Variants in TEX11 observed in about 807,000 individuals in gnomAD.
The protein encoded by TEX11 is testis expressed 11.
TEX11 carries 7 observed loss-of-function variants against 84.4 expected under a neutral mutation model. The ratio of observed to expected loss-of-function variants is 0.08; its 90% CI spans 0.05 to 0.16. The LOEUF is 0.16. TEX11 is among the 10% of genes least tolerant of loss of function. TEX11 has a pLI of 1.00. For synonymous variants in TEX11, 264 were observed against 222.8 expected, an observed-to-expected ratio of 1.18 and a Z score of -1.64; for missense variants, 551 against 660.5, an observed-to-expected ratio of 0.83 and a Z score of 1.82.
intron 7 of TEX11, among the ~76,000 whole-genome samples, chrX:70,842,161 T>G (rs1397694831): frequency 4.2e-4 from 47 of 110,938 alleles, no homozygotes; most frequent in East Asian, 2.5e-3. Flanking sequence ...TACCAAAGCC[T>G]GGCAGAGACA....
At chrX:70,655,538 A>T (rs1436195595) in intron 16 of TEX11, among the ~76,000 whole-genome samples, 1 of 111,936 alleles carries the variant, frequency 8.9e-6, no homozygotes, top group East Asian at 2.8e-4. Flanking sequence ...ATTTATTGGG[A>T]TATAACTCCA....
intron 13 of TEX11, among the ~76,000 whole-genome samples, chrX:70,686,535 G>T (rs183221203): frequency 1.8e-5 from 2 of 110,495 alleles, no homozygotes; most frequent in Admixed American, 9.7e-5. Flanking sequence ...GGAGCCTGTC[G>T]GGAGGTGAGG....
chrX:70,620,995 T>C (rs2089377005), intron 20 of TEX11, among the ~76,000 whole-genome samples: 1 of 111,560 alleles, frequency 9.0e-6, no homozygotes, highest in Non-Finnish European at 1.9e-5. Context: ...GATACATACA[T>C]GCCATTATAC....
At chrX:70,798,590 C>A (rs1441682578) in intron 9 of TEX11, among the ~76,000 whole-genome samples, 1 of 112,030 alleles carries the variant, frequency 8.9e-6, no homozygotes, top group Non-Finnish European at 1.9e-5. Context: ...TCAAAATACA[C>A]TAGACATCTA....
At chrX:70,515,368 G>T in the TEX11 span, among the ~76,000 whole-genome samples, 2 of 108,821 alleles carry the variant, frequency 1.8e-5, no homozygotes, top group African/African-American at 3.4e-5. Context: ...AGAACATGTG[G>T]TGTTTCGTTT....
In TEX11 at chrX:70,650,600, C is replaced by T. The variant is rs541164378; in HGVS notation, c.1483+850G>A. Among the ~76,000 whole-genome samples, 13 of 111,523 alleles carry T rather than the reference C, an allele frequency of 1.2e-4. No individual in the cohort carries two copies. In the South Asian group the frequency reaches 4.9e-3, roughly 42 times the overall value. ...ATTCCTTAATTATTATACAGGTATA[C>T]TTTACTATTCTGGAACATTTCTTTT... On this transcript the variant is annotated intron_variant, in intron 17 of 29. Coordinates refer to ENST00000374333, the MANE Select transcript of TEX11 (RefSeq NM_031276.3).
rs754039567 is a variant in TEX11 at position 70,557,669 on chromosome X, T to C, written c.2141-2869A>G. Among the ~76,000 whole-genome samples, 201 of 111,486 alleles carry C rather than the reference T, an allele frequency of 1.8e-3. 1 individual carries two copies. The highest frequency in any genetic ancestry group is 6.1e-3 in the African/African-American group (186 of 30,704). Reference sequence around the variant, plus strand: ...TGATTTATCATTAAGATGATAACACTCCCCAAAATTATCTATAGATTCAAC... The same window carrying C: ...TGATTTATCATTAAGATGATAACACCCCCCAAAATTATCTATAGATTCAAC... On this transcript the variant is annotated intron_variant, in intron 25 of 29. Coordinates refer to ENST00000374333, the MANE Select transcript of TEX11 (RefSeq NM_031276.3).
rs753270078 is a variant in TEX11 at position 70,569,225 on chromosome X, C to T, written c.2141-14425G>A. Among the ~76,000 whole-genome samples, 26 of 112,144 alleles carry T rather than the reference C, an allele frequency of 2.3e-4. No individual in the cohort carries two copies. The South Asian group carries it at 7.5e-3, about 32-fold the overall frequency. On this transcript the variant is annotated intron_variant, in intron 25 of 29. Transcript: ENST00000374333. ...GCTCCTGAGGCTTCTGCATTCTTCA[C>T]GTAGTTCTTGAGCCTTGGCTTTCAG...
Position 70,564,148 on chromosome X carries a change from G to C in TEX11, c.2141-9348C>G, listed in dbSNP as rs1446180009. On this transcript the variant is annotated intron_variant, in intron 25 of 29. Transcript: ENST00000374333. ...GGAGGCTGAGGCTGGAGAATCGCTG[G>C]AACCTGGGAGGCAAATATTGCAGTA... 8.9e-5 allele frequency among the ~76,000 whole-genome samples: 10 copies of C among 111,915 alleles called. No homozygotes were observed. The Admixed American group carries it at 9.5e-4, about 11-fold the overall frequency.
intron 13 of TEX11, among the ~76,000 whole-genome samples, chrX:70,690,443 C>T (rs762584297): frequency 4.3e-4 from 48 of 111,716 alleles, no homozygotes; most frequent in Admixed American, 2.6e-3. Context: ...CTGTAATTTC[C>T]GTGCCTTGGG....
At chrX:70,635,079 A>G (rs1298394700) in intron 17 of TEX11, among the ~76,000 whole-genome samples, 1 of 112,346 alleles carries the variant, frequency 8.9e-6, no homozygotes, top group Non-Finnish European at 1.9e-5. Flanking sequence ...CAATTTGAAC[A>G]ACTATCCACA....
intron 11 of TEX11, among the ~76,000 whole-genome samples, chrX:70,729,830 G>A (rs1241738885): frequency 9.0e-6 from 1 of 111,005 alleles, no homozygotes; most frequent in Non-Finnish European, 1.9e-5. Context: ...TATGCCTCGA[G>A]AAGAGCAACT....
At chrX:70,603,584 TA>T (rs1315654108) in intron 24 of TEX11, among the ~76,000 whole-genome samples, 1 of 110,786 alleles carries the variant, frequency 9.0e-6, no homozygotes, top group African/African-American at 3.3e-5. Flanking sequence ...ACATTCGACC[TA>T]AAACCATAAA....
intron 28 of TEX11, among the ~76,000 whole-genome samples, chrX:70,538,639 A>G (rs1603036490): frequency 9.0e-6 from 1 of 110,990 alleles, no homozygotes; most frequent in Non-Finnish European, 1.9e-5. Flanking sequence ...AAAAAATTTT[A>G]TTAAAAAATA....
intron 18 of TEX11, among the ~76,000 whole-genome samples, chrX:70,625,250 G>A (rs2089437866): frequency 9.1e-6 from 1 of 110,382 alleles, no homozygotes; most frequent in Non-Finnish European, 1.9e-5. Context: ...AGATTGTCAG[G>A]TCACCCTCAT....
rs140235711 is a variant in TEX11, at chrX:70,646,221, C to A, written c.1483+5229G>T. 5.1e-3 allele frequency among the ~76,000 whole-genome samples: 568 copies of A among 112,000 alleles called. 4 individuals are homozygous for A. The highest frequency in any genetic ancestry group is 0.017 in the African/African-American group (539 of 30,920). ...GTTGGTAAAACTGGATACCCACATG[C>A]AGAAGAATAAAATTTGACCCTTTTC... On this transcript the variant is annotated intron_variant, in intron 17 of 29. Coordinates refer to ENST00000374333, the MANE Select transcript of TEX11 (RefSeq NM_031276.3).
intron 2 of TEX11, among the ~76,000 whole-genome samples, chrX:70,886,692 A>T (rs2091710864): frequency 9.0e-6 from 1 of 111,699 alleles, no homozygotes; most frequent in African/African-American, 3.2e-5. Flanking sequence ...GTATAACTTA[A>T]TCCAAACCAA....
chrX:70,554,781 T>C lies in TEX11; in HGVS notation c.2160A>G (p.Ser720=). 1 of 1,205,630 alleles carries C rather than the reference T, an allele frequency of 8.3e-7. No individual in the cohort carries two copies. The highest frequency in any genetic ancestry group is 2.2e-5 in the Admixed American group (1 of 45,014). ...LKQTGTFSND[S]CEKLLLLYEF... ...CGTACAGCAGAAGCAATTTCTCACA[T>C]GAATCATTTGAGAAGGTCCCTAAGA... The change falls in exon 26 of 30, where the codon TCA becomes TCG. Residue 720 remains serine, a synonymous_variant. Coordinates refer to ENST00000374333, the MANE Select transcript of TEX11 (RefSeq NM_031276.3).
downstream of TEX11, among the ~76,000 whole-genome samples, chrX:70,524,203 C>A (rs1198876587): frequency 8.9e-6 from 1 of 112,361 alleles, no homozygotes; most frequent in Non-Finnish European, 1.9e-5. Context: ...ATTGCCCCCA[C>A]TAGAATGTAA....
Sources: allele counts gnomAD v4.1 joint callset (sites outside exome capture counted in the v4.1 genomes callset), GRCh38; gene constraint gnomAD v4.1.1; transcripts MANE v1.5; gene names NCBI Gene and HGNC (gene_info 2026-07-23, HGNC 2026-07-21).